PHF2: variants seen among roughly 807,000 people sequenced by gnomAD.
PHF2 encodes the protein PHD finger protein 2, also known as lysine-specific demethylase PHF2.
PHF2 carries 27 observed loss-of-function variants against 120.5 expected under a neutral mutation model. The ratio of observed to expected loss-of-function variants is 0.22; its 90% confidence interval spans 0.17 to 0.31. PHF2 has a LOEUF of 0.31. PHF2 is among the 10% of genes least tolerant of loss of function. The probability of loss-of-function intolerance (pLI) is 1.00; values close to 1 mark genes in which losing one functional copy is unlikely to be tolerated. For synonymous variants in PHF2, 568 were observed against 592.5 expected (o/e 0.96, Z 0.60); for missense variants, 1,024 against 1,434.8 (o/e 0.71, Z 4.63).
At chr9:93,612,564 T>A (rs1348997048) in intron 1 of PHF2, among the ~76,000 whole-genome samples, 1 of 152,248 alleles carries the variant, frequency 6.6e-6, no homozygotes, top group Admixed American at 6.5e-5. Flanking sequence ...AAATCACTAG[T>A]CAGGCAGATA....
intron 1 of PHF2, among the ~76,000 whole-genome samples, chr9:93,620,633 T>C (rs1344144740): frequency 1.3e-5 from 2 of 152,212 alleles, no homozygotes; most frequent in African/African-American, 4.8e-5. Context: ...AATGAGAAGC[T>C]TGTGCTTGTT....
chr9:93,672,156 G>T (rs1247038393), intron 17 of PHF2, among the ~76,000 whole-genome samples: 2 of 108,530 alleles, frequency 1.8e-5, no homozygotes, highest in Non-Finnish European at 1.9e-5. Flanking sequence ...GTAGATGCAG[G>T]TGTGGGTGTG....
chr9:93,650,211 A>G (rs894639457), intron 5 of PHF2, among the ~76,000 whole-genome samples: 1 of 151,716 alleles, frequency 6.6e-6, no homozygotes, highest in African/African-American at 2.4e-5. Flanking sequence ...ACACACTCAC[A>G]TGACATAGAC....
chr9:93,644,811 C>T (rs1447871196), intron 3 of PHF2, among the ~76,000 whole-genome samples: 3 of 152,164 alleles, frequency 2.0e-5, no homozygotes, highest in African/African-American at 7.2e-5. Context: ...TCCCCTGGGC[C>T]TCATGTCCCT....
At chr9:93,615,947 AC>A (rs1222312088) in intron 1 of PHF2, among the ~76,000 whole-genome samples, 3 of 152,138 alleles carry the variant, frequency 2.0e-5, no homozygotes, top group Non-Finnish European at 4.4e-5. Context: ...ATAAAGCAGG[AC>A]TTTTGTTGCT....
At chr9:93,666,723 GATTGAGACC>G (rs1826688485) in intron 16 of PHF2, among the ~76,000 whole-genome samples, 1 of 152,192 alleles carries the variant, frequency 6.6e-6, no homozygotes, top group African/African-American at 2.4e-5. Context: ...AAGGTCAGGA[GATTGAGACC>G]ATCCTGGCTA....
chr9:93,616,382 C>CAAGT (rs1380219248), intron 1 of PHF2, among the ~76,000 whole-genome samples: 33 of 148,846 alleles, frequency 2.2e-4, no homozygotes, highest in African/African-American at 8.1e-4. Context: ...AACTCCTTCC[C>CAAGT]AAGTTAGTCC....
In PHF2 at chr9:93,667,162, G is replaced by C. The variant is rs776125722; in HGVS notation, c.2270G>C (p.Ser757Thr). Reference protein sequence around the residue: ...PGRNARVKKESGSSAAGILDL... With the variant: ...PGRNARVKKETGSSAAGILDL... ...CGCAATGCCAGAGTCAAGAAGGAGA[G>C]TGGGAGCTCGGCAGCTGGCATCTTG... is the stretch of plus-strand genomic sequence containing the variant. Residue 757 changes from serine (S) to threonine (T), a missense_variant, in exon 17 of 22, where the codon AGT (serine) becomes ACT (threonine). By Grantham distance (58) the Ser-to-Thr change is moderately conservative. Transcript: ENST00000359246. 1.8e-5 allele frequency: 29 copies of C among 1,613,146 alleles called. No homozygotes were observed. The East Asian group carries it at 6.2e-4, about 35-fold the overall frequency.
rs1399943171 is a variant in PHF2, at chr9:93,674,966, T to A, written c.2666T>A (p.Phe889Tyr). The change falls in exon 19 of 22, where the codon TTT becomes TAT. Residue 889 changes from phenylalanine to tyrosine, a missense_variant. Phe to Tyr is a conservative substitution (Grantham distance 22). This residue lies in a region of PHF2 where 677 missense variants were observed against 857.4 expected (regional missense o/e 0.79). Coordinates refer to ENST00000359246, the MANE Select transcript of PHF2 (RefSeq NM_005392.4). ...GAGTCAGATGAAGACAACCCCATCT[T>A]TAAGTCCCGGTCGAAGAAAAGGAAA... ...SLESDEDNPI[F>Y]KSRSKKRKGS... The A allele has an allele frequency of 1.2e-6, 2 of 1,613,768 alleles. No individual in the cohort carries two copies. The highest frequency in any genetic ancestry group is 3.3e-5 in the Admixed American group (2 of 60,006).
chr9:93,589,820 A>G (rs1035961759), intron 1 of PHF2, among the ~76,000 whole-genome samples: 1 of 152,092 alleles, frequency 6.6e-6, no homozygotes, highest in African/African-American at 2.4e-5. Flanking sequence ...GTGATGTCTC[A>G]TGTTTCCACA....
intron 17 of PHF2, among the ~76,000 whole-genome samples, chr9:93,668,261 G>A (rs1826718452): frequency 6.6e-6 from 1 of 152,198 alleles, no homozygotes; most frequent in South Asian, 2.1e-4. Flanking sequence ...TTGGCACTAG[G>A]TGGTTCCTGT....
chr9:93,581,994 G>T (rs1364686477), intron 1 of PHF2, among the ~76,000 whole-genome samples: 1 of 152,164 alleles, frequency 6.6e-6, no homozygotes, highest in East Asian at 1.9e-4. Flanking sequence ...AATAACAGAT[G>T]GGCCTGATTG....
At chr9:93,635,189 G>A (rs1464471826) in intron 2 of PHF2, among the ~76,000 whole-genome samples, 4 of 152,058 alleles carry the variant, frequency 2.6e-5, no homozygotes, top group Non-Finnish European at 2.9e-5. Context: ...AACACAATGC[G>A]AAGATTCTTT....
intron 7 of PHF2, 37 bp downstream of exon 7, chr9:93,654,612 C>T: frequency 6.3e-7 from 1 of 1,592,836 alleles, no homozygotes. Flanking sequence ...TGTACTAGGG[C>T]TTGCCGGCCC....
intron 1 of PHF2, among the ~76,000 whole-genome samples, chr9:93,624,598 GTGA>G (rs538025298): frequency 2.1e-3 from 319 of 150,510 alleles, no homozygotes; most frequent in African/African-American, 6.8e-3. Flanking sequence ...AACGGTCGTT[GTGA>G]TGATGATAGT....
intron 14 of PHF2, 35 bp downstream of exon 14, chr9:93,663,670 C>A (rs373255014): frequency 1.6e-6 from 2 of 1,244,776 alleles, no homozygotes; most frequent in Non-Finnish European, 2.3e-6. Flanking sequence ...GGTGACCTCG[C>A]GCATAACCGA....
chr9:93,671,320 G>A (rs1028514537), intron 17 of PHF2: 15 of 525,332 alleles, frequency 2.9e-5, no homozygotes, highest in Non-Finnish European at 4.9e-6. Context: ...AGGGTCAGGT[G>A]TAGATGCAGA....
intron 5 of PHF2, among the ~76,000 whole-genome samples, chr9:93,651,633 A>G (rs1218586609): frequency 2.0e-5 from 3 of 152,118 alleles, no homozygotes; most frequent in Admixed American, 6.5e-5. Context: ...GACCGGAGAG[A>G]TGCCTGCTCT....
intron 3 of PHF2, 35 bp from the exon 4 acceptor site, chr9:93,645,594 G>T: frequency 6.5e-7 from 1 of 1,527,562 alleles, no homozygotes; most frequent in Non-Finnish European, 8.8e-7. Context: ...GAGGCCTCGG[G>T]CCCAATGTGG....
Sources: gnomAD v4.1 joint callset for allele counts (sites outside exome capture counted in the v4.1 genomes callset) on GRCh38, gnomAD v4.1.1 for gene constraint, gnomAD v4.1.1 regional missense constraint, MANE v1.5 for transcripts, NCBI Gene and HGNC (gene_info 2026-07-23, HGNC 2026-07-21) for gene names.